Variants in VSTM2B observed in about 807,000 individuals in gnomAD.
The protein encoded by VSTM2B is V-set and transmembrane domain-containing protein 2B.
In VSTM2B, 24 loss-of-function variants were observed where a neutral mutation model predicts 24.0. That is an observed-to-expected ratio of 1.00 (90% CI 0.72 to 1.40). The LOEUF (loss-of-function observed/expected upper bound fraction) is 1.40, where lower values mean the gene tolerates loss of function less well. Among genes scored for constraint, VSTM2B ranks in the 40% most tolerant of loss-of-function variants. The pLI is 0.00. For missense variants in VSTM2B, 399 were observed against 416.4 expected (o/e 0.96, Z 0.36); for synonymous variants, 226 against 194.4 (o/e 1.16, Z -1.35).
chr19:29,551,244 T>C (rs1184808425), intron 4 of VSTM2B, among the ~76,000 whole-genome samples: 1 of 152,150 alleles, frequency 6.6e-6, no homozygotes, highest in East Asian at 1.9e-4. Flanking sequence ...CTCCCCACTC[T>C]CCAGGAAGCT....
In VSTM2B at chr19:29,558,858, TA is replaced by T. The variant is rs1203705067; in HGVS notation, c.770-4987del. On this transcript the variant is annotated intron_variant, in intron 4 of 4. Transcript: ENST00000335523. ...TGCACATCATGCACAAGTGTCCCAA[TA>T]CTTGAAATAAAAATTTTTTTAAAAA... Among the ~76,000 whole-genome samples, 4 of 152,124 alleles carry T rather than the reference TA, an allele frequency of 2.6e-5. No homozygotes were observed. In the East Asian group the frequency reaches 7.7e-4, roughly 29 times the overall value.
intron 4 of VSTM2B, among the ~76,000 whole-genome samples, chr19:29,535,662 G>A (rs1450789997): frequency 3.9e-5 from 6 of 152,236 alleles, no homozygotes; most frequent in Non-Finnish European, 7.3e-5. Flanking sequence ...CGTGACCAAA[G>A]GGGGCCGTGG....
chr19:29,553,081 C>T (rs1484594544), intron 4 of VSTM2B, among the ~76,000 whole-genome samples: 2 of 152,148 alleles, frequency 1.3e-5, no homozygotes, highest in Non-Finnish European at 2.9e-5. Flanking sequence ...GAGATCCCCC[C>T]CAGCATAGCA....
At position 29,526,605 on chromosome 19, in the gene VSTM2B, G is replaced by C; in HGVS notation, c.22G>C (p.Gly8Arg). The change falls in exon 1 of 5, where the codon GGT becomes CGT. Residue 8 changes from glycine to arginine, a missense_variant. Physicochemically the swap from Gly to Arg is moderately radical, Grantham distance 125. Coordinates refer to ENST00000335523, the MANE Select transcript of VSTM2B (RefSeq NM_001146339.2). This position sits in a 1 kb window ranked among gnomAD's most constrained non-coding sequence, Gnocchi z 4.1. MEQRNRLGALGYLPPLLL... is the reference protein window; with the variant it reads MEQRNRLRALGYLPPLLL... ...GGAGATGGAACAGCGGAACCGGCTC[G>C]GTGCCCTCGGATACCTGCCGCCTCT... The C allele has an allele frequency of 6.5e-7, 1 of 1,527,196 alleles. No homozygotes were observed. Among genetic ancestry groups the C allele is most frequent in the South Asian group, 1.2e-5 (1 of 82,658 alleles). 94.6% of individuals were successfully genotyped at this position (1,527,196 alleles called of 1,614,324 possible).
At chr19:29,555,056 T>C (rs1156497005) in intron 4 of VSTM2B, among the ~76,000 whole-genome samples, 1 of 152,130 alleles carries the variant, frequency 6.6e-6, no homozygotes, top group African/African-American at 2.4e-5. Flanking sequence ...CTGGATTAAG[T>C]GGACCTGATA....
intron 4 of VSTM2B, among the ~76,000 whole-genome samples, chr19:29,537,329 T>A (rs1969913407): frequency 6.6e-6 from 1 of 152,100 alleles, no homozygotes; most frequent in Non-Finnish European, 1.5e-5. Flanking sequence ...TGGGTTAGGG[T>A]GTAGCTGCTG....
At chr19:29,551,754 C>T (rs1436557709) in intron 4 of VSTM2B, among the ~76,000 whole-genome samples, 7 of 152,198 alleles carry the variant, frequency 4.6e-5, no homozygotes, top group Admixed American at 4.6e-4. Context: ...CTTGCTCATG[C>T]TCCAGCGCTA....
At chr19:29,548,910 A>G (rs1463345712) in intron 4 of VSTM2B, among the ~76,000 whole-genome samples, 1 of 152,218 alleles carries the variant, frequency 6.6e-6, no homozygotes, top group African/African-American at 2.4e-5. Flanking sequence ...AAGGGGCCCA[A>G]CTGCGCAGGA....
intron 4 of VSTM2B, among the ~76,000 whole-genome samples, chr19:29,559,511 G>T (rs1970482205): frequency 6.6e-6 from 1 of 152,206 alleles, no homozygotes; most frequent in Non-Finnish European, 1.5e-5. Context: ...CCTAATGTAG[G>T]TGACTGGTTG....
intron 3 of VSTM2B, among the ~76,000 whole-genome samples, chr19:29,529,612 A>C (rs1217890736): frequency 6.6e-6 from 1 of 152,210 alleles, no homozygotes; most frequent in Non-Finnish European, 1.5e-5. Flanking sequence ...CACAGTCCAA[A>C]GAGCTGGCTG....
intron 4 of VSTM2B, among the ~76,000 whole-genome samples, chr19:29,534,560 C>CA (rs1300246052): frequency 6.6e-6 from 1 of 151,970 alleles, no homozygotes; most frequent in African/African-American, 2.4e-5. Flanking sequence ...ACTAAAAACA[C>CA]AAAAAATTAG....
chr19:29,560,192 C>G (rs77320862), intron 4 of VSTM2B, among the ~76,000 whole-genome samples: 1 of 152,260 alleles, frequency 6.6e-6, no homozygotes, highest in East Asian at 1.9e-4. Flanking sequence ...AAAAGCAAGT[C>G]ATGTGACCAA....
At chr19:29,544,327 C>A (rs892146902) in intron 4 of VSTM2B, among the ~76,000 whole-genome samples, 1 of 151,036 alleles carries the variant, frequency 6.6e-6, no homozygotes, top group Non-Finnish European at 1.5e-5. Context: ...GAGATCGAGA[C>A]CATCCTGGCT....
rs939269411 is a variant in VSTM2B, at chr19:29,526,970, G to T, written c.83-241G>T. On this transcript the variant is annotated intron_variant, in intron 1 of 4. Transcript: ENST00000335523. This position sits in a 1 kb window ranked among gnomAD's most constrained non-coding sequence, Gnocchi z 4.1. The stretch of plus-strand genomic sequence containing the variant: ...GCGGCCAGGGGCGGGGGAGAAGCAC[G>T]AGTCGCCCCTGCCGCCCCGCCCCAT... 6.6e-6 allele frequency: 3 copies of T among 453,076 alleles called. No homozygotes were observed. Among genetic ancestry groups the T allele is most frequent in the Admixed American group, 4.2e-5 (1 of 23,978 alleles). The allele number at this position is 453,076 out of a possible 1,614,324, so 28.1% of individuals were successfully genotyped here.
chr19:29,556,307 A>G (rs1396940698), intron 4 of VSTM2B, among the ~76,000 whole-genome samples: 1 of 152,252 alleles, frequency 6.6e-6, no homozygotes, highest in Non-Finnish European at 1.5e-5. Context: ...CAATAGACAT[A>G]GAAAAGGCCT....
At chr19:29,553,613 A>T (rs1970336748) in intron 4 of VSTM2B, among the ~76,000 whole-genome samples, 1 of 152,208 alleles carries the variant, frequency 6.6e-6, no homozygotes, top group Non-Finnish European at 1.5e-5. Flanking sequence ...GAGATGGATG[A>T]ATTGACAGAA....
In VSTM2B at chr19:29,526,414, G is replaced by C. The variant is rs867592640; in HGVS notation, c.-170G>C. 1.8e-4 allele frequency: 43 copies of C among 237,392 alleles called. No individual in the cohort carries two copies. Among genetic ancestry groups the C allele is most frequent in the Middle Eastern group, 2.8e-3 (2 of 718 alleles). 14.7% of individuals were successfully genotyped at this position (237,392 alleles called of 1,614,324 possible). The stretch of plus-strand genomic sequence containing the variant: ...CCGCCGGAGCCGCACCGGGCAAGCC[G>C]GCGAGGGAGCGGGGCTGATTGGCGG... On this transcript the variant is annotated 5_prime_UTR_variant, in exon 1 of 5. Transcript: ENST00000335523. This position sits in a 1 kb window ranked among gnomAD's most constrained non-coding sequence, Gnocchi z 4.1.
Position 29,561,817 on chromosome 19 carries a change from C to T in VSTM2B, c.770-2029C>T, listed in dbSNP as rs999675682. Among the ~76,000 whole-genome samples, 7 of 152,186 alleles carry T rather than the reference C, an allele frequency of 4.6e-5. No individual in the cohort carries two copies. In the East Asian group the frequency reaches 5.8e-4, roughly 13 times the overall value. ...CAGCTCGTCCATCACATCCGCCTGT[C>T]GTCCTTCCCAGTAATGCCTGACAGC... On this transcript the variant is annotated intron_variant, in intron 4 of 4. Coordinates refer to ENST00000335523, the MANE Select transcript of VSTM2B (RefSeq NM_001146339.2).
intron 4 of VSTM2B, among the ~76,000 whole-genome samples, chr19:29,538,149 T>C (rs1306287206): frequency 1.3e-5 from 2 of 152,198 alleles, no homozygotes; most frequent in Non-Finnish European, 2.9e-5. Flanking sequence ...CAGCATGTGC[T>C]TCTCACTCCT....
Sources: gnomAD v4.1 joint callset for allele counts (sites outside exome capture counted in the v4.1 genomes callset) on GRCh38, gnomAD v4.1.1 for gene constraint, Gnocchi (gnomAD v3.1) non-coding constraint, MANE v1.5 for transcripts, NCBI Gene and HGNC (gene_info 2026-07-23, HGNC 2026-07-21) for gene names.